TNIK: variants seen among roughly 807,000 people sequenced by gnomAD.
TNIK encodes the protein TRAF2 and NCK interacting kinase.
TNIK carries 49 observed loss-of-function variants against 191.3 expected under a neutral mutation model. The ratio of observed to expected loss-of-function variants is 0.26; its 90% CI spans 0.20 to 0.32. TNIK has a LOEUF of 0.32. TNIK is among the 10% of genes least tolerant of loss of function. TNIK has a pLI of 1.00. For synonymous variants in TNIK, 594 were observed against 600.9 expected (o/e 0.99, Z 0.17); for missense variants, 1,155 against 1,702.3 (o/e 0.68, Z 5.66).
chr3:171,149,374 C>T (rs532174004), intron 12 of TNIK, among the ~76,000 whole-genome samples: 13 of 152,234 alleles, frequency 8.5e-5, no homozygotes, highest in East Asian at 1.9e-4. Context: ...AAAACACTAG[C>T]GTACTCTACC....
rs372880405 is a variant in TNIK at position 171,402,633 on chromosome 3, G to C, written c.58-32948C>G. On this transcript the variant is annotated intron_variant, in intron 1 of 32. Coordinates refer to ENST00000436636, the MANE Select transcript of TNIK (RefSeq NM_015028.4). ...TCCTTACATCAAGGTTTAATCACCT[G>C]ACTAAAAGATACCCTTCCTCCAGCT... Among the ~76,000 whole-genome samples, 30 of 152,282 alleles carry C rather than the reference G, an allele frequency of 2.0e-4. No individual in the cohort carries two copies. The South Asian group carries it at 5.6e-3, about 28-fold the overall frequency.
intron 2 of TNIK, among the ~76,000 whole-genome samples, chr3:171,353,616 C>G (rs892347149): frequency 6.6e-6 from 1 of 152,068 alleles, no homozygotes; most frequent in Non-Finnish European, 1.5e-5. Context: ...CTATGAAACA[C>G]CTGACTACAA....
intron 2 of TNIK, among the ~76,000 whole-genome samples, chr3:171,253,121 C>CA (rs35251072): frequency 0.011 from 1,492 of 140,238 alleles, 19 homozygotes; most frequent in South Asian, 0.026. Context: ...CTAAAGGTAC[C>CA]AAAAAAAAAA....
intron 18 of TNIK, among the ~76,000 whole-genome samples, chr3:171,121,585 G>A (rs749883900): frequency 3.3e-5 from 5 of 152,356 alleles, no homozygotes; most frequent in East Asian, 1.9e-4. Context: ...GCAACTGCAC[G>A]AGTGAGCCCA....
intron 1 of TNIK, among the ~76,000 whole-genome samples, chr3:171,450,128 C>A (rs1391965232): frequency 6.6e-6 from 1 of 152,042 alleles, no homozygotes; most frequent in African/African-American, 2.4e-5. Context: ...CCTGGAGCCC[C>A]AGGAGTCTTC....
At chr3:171,177,174 A>G (rs1158581131) in intron 8 of TNIK, among the ~76,000 whole-genome samples, 152 bp downstream of exon 8, 2 of 151,512 alleles carry the variant, frequency 1.3e-5, no homozygotes, top group Non-Finnish European at 2.9e-5. Context: ...TTCCTGGTTG[A>G]TTTAAGATGA....
intron 2 of TNIK, among the ~76,000 whole-genome samples, chr3:171,319,512 G>GA (rs369246394): frequency 4.7e-4 from 70 of 150,530 alleles, no homozygotes; most frequent in African/African-American, 9.5e-4. Flanking sequence ...AGATTTGGGG[G>GA]AAAAAAAAAG....
At chr3:171,128,933 T>TCACCTTC in intron 15 of TNIK, 55 bp from the exon 16 acceptor site, 1 of 1,457,256 alleles carries the variant, frequency 6.9e-7, no homozygotes, top group East Asian at 2.5e-5. Flanking sequence ...TAGAAGTAGA[T>TCACCTTC]CACCTTCTAG....
chr3:171,360,965 GC>G, intron 2 of TNIK, among the ~76,000 whole-genome samples: 1 of 152,324 alleles, frequency 6.6e-6, no homozygotes, highest in South Asian at 2.1e-4. Flanking sequence ...TATAAACCAT[GC>G]CCTGATGGCA....
intron 1 of TNIK, among the ~76,000 whole-genome samples, chr3:171,436,124 CCTTCCCTCCATCTGGTCCA>C (rs1726000136): frequency 6.6e-6 from 1 of 152,168 alleles, no homozygotes; most frequent in Non-Finnish European, 1.5e-5. Context: ...CCACTCCTGA[CCTTCCCTCCATCTGGTCCA>C]CTTCCCTCCA....
chr3:171,443,748 C>G (rs1727131056), intron 1 of TNIK, among the ~76,000 whole-genome samples: 1 of 152,094 alleles, frequency 6.6e-6, no homozygotes, highest in South Asian at 2.1e-4. Context: ...CACTTGTACC[C>G]AGAAGTTTGA....
At chr3:171,106,643 A>G (rs763605719) in intron 21 of TNIK, 2 of 525,396 alleles carry the variant, frequency 3.8e-6, no homozygotes, top group Admixed American at 2.0e-5. Flanking sequence ...TTTCTAATGG[A>G]AAACGTCTCC....
intron 9 of TNIK, among the ~76,000 whole-genome samples, chr3:171,173,267 G>A (rs1173309810): frequency 1.3e-5 from 2 of 151,642 alleles, no homozygotes; most frequent in Non-Finnish European, 2.9e-5. Flanking sequence ...ATGGTGGCGG[G>A]CGCCTGTAGT....
intron 28 of TNIK, among the ~76,000 whole-genome samples, chr3:171,073,654 C>A (rs1719511414): frequency 6.6e-6 from 1 of 151,950 alleles, no homozygotes. Flanking sequence ...GGAATGCAAA[C>A]AATTCAACAA....
intron 2 of TNIK, among the ~76,000 whole-genome samples, chr3:171,233,408 A>G (rs1290117142): frequency 6.6e-6 from 1 of 152,150 alleles, no homozygotes; most frequent in South Asian, 2.1e-4. Flanking sequence ...CTGTTGTTTT[A>G]TGGCTCACCT....
rs539808020 is a variant in TNIK at position 171,401,750 on chromosome 3, T to G, written c.58-32065A>C. Among the ~76,000 whole-genome samples the G allele has an allele frequency of 3.3e-5, 5 of 151,754 alleles. No homozygotes were observed. The South Asian group carries it at 1.0e-3, about 32-fold the overall frequency. The stretch of plus-strand genomic sequence containing the variant: ...GGTCAGATTAATCTATATGTGGGAG[T>G]TTCAGGGGGATTTGGCATGAAAGAG... On this transcript the variant is annotated intron_variant, in intron 1 of 32. Transcript: ENST00000436636.
rs533403710 is a variant in TNIK at position 171,261,023 on chromosome 3, C to G, written c.124-32802G>C. 4.1e-4 allele frequency among the ~76,000 whole-genome samples: 63 copies of G among 152,306 alleles called. No homozygotes were observed. In the South Asian group the frequency reaches 0.013, roughly 31 times the overall value. ...ACCTATCACCACTAGCAACAGATTA[C>G]TTAAAAGCTTATGAGTCACATTTCA... On this transcript the variant is annotated intron_variant, in intron 2 of 32. Coordinates refer to ENST00000436636, the MANE Select transcript of TNIK (RefSeq NM_015028.4).
chr3:171,346,999 T>C (rs1712308325), intron 2 of TNIK: 1 of 737,644 alleles, frequency 1.4e-6, no homozygotes, highest in Non-Finnish European at 2.1e-6. Context: ...GCTGCAAGGA[T>C]AACATCAAGG....
intron 1 of TNIK, among the ~76,000 whole-genome samples, chr3:171,416,592 T>C (rs2108618004): frequency 6.6e-6 from 1 of 152,300 alleles, no homozygotes; most frequent in South Asian, 2.1e-4. Context: ...AAAGCCAATG[T>C]CCAATTTATC....
Sources: gnomAD v4.1 joint callset for allele counts (sites outside exome capture counted in the v4.1 genomes callset) on GRCh38, gnomAD v4.1.1 for gene constraint, MANE v1.5 for transcripts, NCBI Gene and HGNC (gene_info 2026-07-23, HGNC 2026-07-21) for gene names.